MARCHF6: variants seen among roughly 807,000 people sequenced by gnomAD.
MARCHF6 encodes membrane associated ring-CH-type finger 6, also known as E3 ubiquitin-protein ligase MARCHF6.
MARCHF6 carries 31 observed loss-of-function variants against 133.7 expected under a neutral mutation model. The ratio of observed to expected loss-of-function variants is 0.23; its 90% CI spans 0.17 to 0.31. The LOEUF is 0.31. Among genes scored for constraint, MARCHF6 ranks in the 10% least tolerant of loss-of-function variants. The probability of loss-of-function intolerance (pLI) is 1.00; values close to 1 mark genes in which losing one functional copy is unlikely to be tolerated. For missense variants in MARCHF6, 723 were observed against 1,121.6 expected (o/e 0.64, Z 5.08); for synonymous variants, 395 against 402.5 (o/e 0.98, Z 0.22).
chr5:10,354,033 C>A, intron 1 of MARCHF6, 116 bp downstream of exon 1: 2 of 1,079,322 alleles, frequency 1.9e-6, no homozygotes, highest in Non-Finnish European at 2.5e-6. Context: ...GACGCCTGGG[C>A]CGTTTGTCCA....
At chr5:10,412,842 T>C (rs1435574307) in intron 19 of MARCHF6, among the ~76,000 whole-genome samples, 2 of 152,186 alleles carry the variant, frequency 1.3e-5, no homozygotes, top group African/African-American at 4.8e-5. Context: ...CCCAAAGTAC[T>C]GGAATACAGG....
chr5:10,402,062 C>A lies in MARCHF6; in HGVS notation c.976C>A (p.Gln326Lys), dbSNP rs766791248. ...LVGLGFEEHV[Q>K]ASHFEGLITT... The stretch of plus-strand genomic sequence containing the variant: ...TTTACTTTTTTCTTATTTCCAGGTC[C>A]AAGCATCTCATTTTGAAGGCCTAAT... Residue 326 changes from glutamine (Q) to lysine (K), a missense_variant, in exon 12 of 26, where the codon CAA becomes AAA. Physicochemically the swap from Gln to Lys is moderately conservative, Grantham distance 53. Transcript: ENST00000274140. The A allele has an allele frequency of 7.7e-5, 122 of 1,593,174 alleles. No individual in the cohort carries two copies. The highest frequency in any genetic ancestry group is 9.9e-5 in the Non-Finnish European group (115 of 1,161,712).
rs769838495 is a variant in MARCHF6, at chr5:10,397,279, C to T, written c.862-14C>T. The T allele has an allele frequency of 1.9e-6, 3 of 1,543,936 alleles. No homozygotes were observed. The highest frequency in any genetic ancestry group is 2.5e-5 in the South Asian group (2 of 80,110). ...ATGAATTGAATATGCTTTATTGATG[C>T]TTTTTTCCTTTAGGAACATGTCTTC... On this transcript the variant is annotated splice_polypyrimidine_tract_variant and intron_variant, in intron 9 of 25. Transcript: ENST00000274140.
intron 1 of MARCHF6, among the ~76,000 whole-genome samples, chr5:10,373,403 T>A (rs1312224180): frequency 1.3e-5 from 2 of 152,166 alleles, no homozygotes; most frequent in Non-Finnish European, 2.9e-5. Context: ...CAGTGCTTCC[T>A]GTGGTGAGTG....
At chr5:10,355,146 C>T (rs374526459) in intron 1 of MARCHF6, among the ~76,000 whole-genome samples, 12 of 152,306 alleles carry the variant, frequency 7.9e-5, no homozygotes, top group Admixed American at 3.3e-4. Context: ...CCTAGGCATT[C>T]TGATTGCAAG....
chr5:10,385,583 T>A (rs1737418520), intron 4 of MARCHF6, among the ~76,000 whole-genome samples: 1 of 152,164 alleles, frequency 6.6e-6, no homozygotes, highest in South Asian at 2.1e-4. Flanking sequence ...GCAGCACAGG[T>A]TAATGCTAAA....
intron 25 of MARCHF6, 46 bp from the exon 26 acceptor site, chr5:10,433,548 C>G (rs563368659): frequency 7.4e-7 from 1 of 1,356,346 alleles, no homozygotes; most frequent in Non-Finnish European, 1.1e-6. Context: ...ATGTTTTACT[C>G]TGTACATTCA....
chr5:10,398,112 G>A (rs1452160663), intron 10 of MARCHF6, among the ~76,000 whole-genome samples: 1 of 152,100 alleles, frequency 6.6e-6, no homozygotes, highest in Admixed American at 6.6e-5. Context: ...GAGACTTCAG[G>A]CAACATATCC....
chr5:10,382,408 A>C (rs938997116), intron 4 of MARCHF6, among the ~76,000 whole-genome samples: 1 of 149,950 alleles, frequency 6.7e-6, no homozygotes, highest in African/African-American at 2.5e-5. Context: ...CGGAGGTTGC[A>C]GTGAACTGAG....
At chr5:10,394,278 A>T in intron 8 of MARCHF6, 135 bp downstream of exon 8, 1 of 482,328 alleles carries the variant, frequency 2.1e-6, no homozygotes. Flanking sequence ...TTCCTAGTGA[A>T]AGTTAAGTGA....
chr5:10,425,575 T>G (rs1740041637), intron 23 of MARCHF6, among the ~76,000 whole-genome samples: 1 of 152,250 alleles, frequency 6.6e-6, no homozygotes, highest in Non-Finnish European at 1.5e-5. Flanking sequence ...CTAGGTGTCT[T>G]TGGGAATGGC....
chr5:10,377,377 T>C (rs1218573056), intron 1 of MARCHF6, among the ~76,000 whole-genome samples: 2 of 152,110 alleles, frequency 1.3e-5, no homozygotes, highest in Non-Finnish European at 2.9e-5. Context: ...TTGTGGTGAG[T>C]CCTCACATGT....
intron 1 of MARCHF6, among the ~76,000 whole-genome samples, chr5:10,364,737 T>C (rs1440871328): frequency 6.6e-6 from 1 of 152,218 alleles, no homozygotes; most frequent in Admixed American, 6.5e-5. Flanking sequence ...CTGCAGTACC[T>C]GCCATTAGCT....
intron 25 of MARCHF6, among the ~76,000 whole-genome samples, chr5:10,430,285 GTTTTTT>G (rs796935380): frequency 7.5e-6 from 1 of 133,514 alleles, no homozygotes; most frequent in African/African-American, 2.8e-5. Context: ...GGAGAGGGAG[GTTTTTT>G]TTTTTTGGTG....
chr5:10,408,425 C>T (rs574154984), intron 17 of MARCHF6, among the ~76,000 whole-genome samples: 2 of 152,296 alleles, frequency 1.3e-5, no homozygotes, highest in East Asian at 1.9e-4. Flanking sequence ...CATTGAGGCT[C>T]CCCTGATTAC....
At chr5:10,365,106 C>G (rs560724572) in intron 1 of MARCHF6, among the ~76,000 whole-genome samples, 7 of 151,984 alleles carry the variant, frequency 4.6e-5, no homozygotes, top group African/African-American at 1.7e-4. Context: ...CCCAGCCTCC[C>G]TGCTTCTTCT....
Position 10,387,001 on chromosome 5 carries a change from C to G in MARCHF6, c.342C>G (p.Ile114Met). Residue 114 changes from isoleucine to methionine, a missense_variant, in exon 5 of 26, where the codon ATC (isoleucine) becomes ATG (methionine). By Grantham distance (10) the Ile-to-Met change is conservative. Coordinates refer to ENST00000274140, the MANE Select transcript of MARCHF6 (RefSeq NM_005885.4). ...CATGCTCTTTTTCGGTAGGCCGCAT[C>G]TACAAGTGCTTGTTTACTGGCTCCG... ...LGVVPLTACRIYKCLFTGSVS... is the reference protein window; with the variant it reads ...LGVVPLTACRMYKCLFTGSVS... The G allele has an allele frequency of 6.2e-7, 1 of 1,613,272 alleles. No homozygotes were observed. The highest frequency in any genetic ancestry group is 8.5e-7 in the Non-Finnish European group (1 of 1,179,282).
In MARCHF6 at chr5:10,386,978, TG is replaced by T. The variant is rs914477724; in HGVS notation, c.335-15del. 2.5e-6 allele frequency: 4 copies of T among 1,609,320 alleles called. No individual in the cohort carries two copies. In the East Asian group the frequency reaches 8.9e-5, roughly 36 times the overall value. Reference sequence around the variant, plus strand: ...TGCGAGTTGTGACTGTGTGCCATCATGCTCTTTTTCGGTAGGCCGCATCTAC... The same window carrying T: ...TGCGAGTTGTGACTGTGTGCCATCATCTCTTTTTCGGTAGGCCGCATCTAC... On this transcript the variant is annotated splice_polypyrimidine_tract_variant and intron_variant, in intron 4 of 25. Coordinates refer to ENST00000274140, the MANE Select transcript of MARCHF6 (RefSeq NM_005885.4).
At chr5:10,415,105 T>C (rs1426029530) in intron 20 of MARCHF6, among the ~76,000 whole-genome samples, 1 of 152,244 alleles carries the variant, frequency 6.6e-6, no homozygotes, top group African/African-American at 2.4e-5. Context: ...TTAAAAGTAT[T>C]GACATCACAA....
Sources: allele counts gnomAD v4.1 joint callset (sites outside exome capture counted in the v4.1 genomes callset), GRCh38; gene constraint gnomAD v4.1.1; transcripts MANE v1.5; gene names NCBI Gene and HGNC (gene_info 2026-07-23, HGNC 2026-07-21).